Variants in FAM50A observed in about 807,000 individuals in gnomAD.
FAM50A encodes family with sequence similarity 50 member A, also known as protein FAM50A.
Under a neutral mutation model 35.5 loss-of-function variants are expected in FAM50A, and 6 were observed. The observed-to-expected ratio is 0.17, with a 90% CI of 0.09 to 0.33. The LOEUF is 0.33. Among genes scored for constraint, FAM50A ranks in the 10% least tolerant of loss-of-function variants. The probability of loss-of-function intolerance (pLI) is 1.00; values close to 1 mark genes in which losing one functional copy is unlikely to be tolerated. For synonymous variants in FAM50A, 120 were observed against 110.9 expected, an observed-to-expected ratio of 1.08 and a Z score of -0.52; for missense variants, 145 against 295.5, an observed-to-expected ratio of 0.49 and a Z score of 3.73.
Position 154,450,552 on chromosome X carries a change from C to T in FAM50A, c.*120C>T. On this transcript the variant is annotated 3_prime_UTR_variant, in exon 13 of 13. Coordinates refer to ENST00000393600, the MANE Select transcript of FAM50A (RefSeq NM_004699.4). Reference sequence around the variant, plus strand: ...GCCAGGCACGCTGGGAGGAGGACGGCAGCTGCTCGTGTCCTGCCCCTGCCA... The same window carrying T: ...GCCAGGCACGCTGGGAGGAGGACGGTAGCTGCTCGTGTCCTGCCCCTGCCA... The T allele has an allele frequency of 2.8e-6, 2 of 709,570 alleles. No homozygotes were observed. The highest frequency in any genetic ancestry group is 4.2e-6 in the Non-Finnish European group (2 of 470,964). The allele number at this position is 709,570 out of a possible 1,213,427, so 58.5% of individuals were successfully genotyped here. A position where few individuals can be genotyped will look rare whatever the true frequency, so the allele number is the denominator to read the frequency against.
intron 5 of FAM50A, 42 bp downstream of exon 5, chrX:154,448,602 C>T: frequency 8.5e-7 from 1 of 1,182,222 alleles, no homozygotes; most frequent in Non-Finnish European, 1.2e-6. Flanking sequence ...GACTCCAGCC[C>T]TGGTGGAGAC....
chrX:154,447,123 C>T (rs1235601814), intron 4 of FAM50A, among the ~76,000 whole-genome samples: 1 of 112,205 alleles, frequency 8.9e-6, no homozygotes, highest in African/African-American at 3.2e-5. Context: ...CCGGGCTAAC[C>T]CAGGGGTCAA....
intron 1 of FAM50A, chrX:154,444,870 C>G (rs1441635405): frequency 8.9e-6 from 1 of 112,589 alleles, no homozygotes; most frequent in East Asian, 2.8e-4. Flanking sequence ...GTGAGGCAGG[C>G]ACGACCCTCC....
intron 10 of FAM50A, 43 bp downstream of exon 10, chrX:154,449,974 C>T (rs782281800): frequency 3.6e-5 from 44 of 1,206,356 alleles, no homozygotes; most frequent in South Asian, 2.6e-4. Flanking sequence ...ACCTTGCCGC[C>T]GATGTTGTCA....
At chrX:154,445,761 C>T in intron 2 of FAM50A, 44 bp downstream of exon 2, 1 of 1,187,352 alleles carries the variant, frequency 8.4e-7, no homozygotes, top group South Asian at 1.8e-5. Flanking sequence ...CCGGGCCACT[C>T]TTCCGCTGGC....
At chrX:154,450,000 G>A in intron 10 of FAM50A, 29 bp from the exon 11 acceptor site, 2 of 1,207,750 alleles carry the variant, frequency 1.7e-6, no homozygotes, top group African/African-American at 1.8e-5. Flanking sequence ...GCAGCAGCGG[G>A]ACATTGGGCT....
rs782676382 is a variant in FAM50A at position 154,446,061 on chromosome X, G to A, written c.296+150G>A. 1.8e-4 allele frequency: 84 copies of A among 464,365 alleles called. 1 individual carries two copies. Among genetic ancestry groups the A allele is most frequent in the African/African-American group, 1.5e-3 (63 of 41,280 alleles). The allele number at this position is 464,365 out of a possible 1,213,427, so 38.3% of individuals were successfully genotyped here. ...CTTGCGATTTGCATTTCTCTCTCCC[G>A]CCTCCTCGGGTCCACGCTCACGTCT... On this transcript the variant is annotated intron_variant, in intron 3 of 12. Transcript: ENST00000393600.
intron 8 of FAM50A, 132 bp downstream of exon 8, chrX:154,449,429 AG>A (rs2068795691): frequency 7.1e-6 from 4 of 563,324 alleles, no homozygotes; most frequent in Middle Eastern, 7.6e-4. Context: ...CTCCCAAAAG[AG>A]GGGGTCAGGC....
chrX:154,448,986 C>T (rs1557200163), intron 7 of FAM50A, 32 bp downstream of exon 7: 1 of 1,168,105 alleles, frequency 8.6e-7, no homozygotes, highest in Non-Finnish European at 1.2e-6. Context: ...TCCTGCTCAC[C>T]ATGGGCCCAG....
At chrX:154,449,589 C>T in intron 8 of FAM50A, 92 bp from the exon 9 acceptor site, 1 of 813,774 alleles carries the variant, frequency 1.2e-6, no homozygotes, top group Non-Finnish European at 1.8e-6. Flanking sequence ...GCTTCCCAGC[C>T]CCAGCATGGG....
chrX:154,444,735 G>T (rs2068775234), intron 1 of FAM50A: 1 of 117,304 alleles, frequency 8.5e-6, no homozygotes, highest in Non-Finnish European at 1.8e-5. Flanking sequence ...TCAGAGCCAG[G>T]CCTCTGCCCT....
Position 154,444,182 on chromosome X carries a change from T to TCGC in FAM50A, c.-53_-51dup. 1 of 444,430 alleles carries TCGC rather than the reference T, an allele frequency of 2.3e-6. No homozygotes were observed. Among genetic ancestry groups the TCGC allele is most frequent in the Non-Finnish European group, 2.8e-6 (1 of 357,520 alleles). 36.6% of individuals were successfully genotyped at this position (444,430 alleles called of 1,213,427 possible). A position where few individuals can be genotyped will look rare whatever the true frequency, so the allele number is the denominator to read the frequency against. ...GCCACCGCCGCTGCCGCTGCCGCTG[T>TCGC]CGCTGTCGCCGCCGCCGCCGCCCGC... On this transcript the variant is annotated 5_prime_UTR_variant, in exon 1 of 13. Transcript: ENST00000393600.
intron 7 of FAM50A, 69 bp downstream of exon 7, chrX:154,449,023 C>T: frequency 9.7e-7 from 1 of 1,031,498 alleles, no homozygotes; most frequent in Non-Finnish European, 1.3e-6. Context: ...TGGGAAGGAA[C>T]TGACCTTCCT....
intron 6 of FAM50A, 50 bp downstream of exon 6, chrX:154,448,806 C>G (rs370396003): frequency 1.5e-5 from 18 of 1,193,395 alleles, no homozygotes; most frequent in Non-Finnish European, 2.0e-5. Context: ...AAGCCAGCTT[C>G]CCTGTCCACA....
At position 154,450,211 on chromosome X, in the gene FAM50A, C is replaced by T. The variant is rs1403392929; in HGVS notation, c.903C>T (p.Ser301=). 1 of 1,208,176 alleles carries T rather than the reference C, an allele frequency of 8.3e-7. No individual in the cohort carries two copies. The highest frequency in any genetic ancestry group is 1.1e-6 in the Non-Finnish European group (1 of 893,678). Residue 301 remains serine (S), a splice_region_variant and synonymous_variant, in exon 12 of 13, where the codon TCC becomes TCT. Transcript: ENST00000393600. Reference sequence around the variant, plus strand: ...CCTGTGCCCTCTTCCTCCCTTAGTCCCATGCAGGCAAGGTGGTGCTGAGGA... The same window carrying T: ...CCTGTGCCCTCTTCCTCCCTTAGTCTCATGCAGGCAAGGTGGTGCTGAGGA... ...LSDATVEKDE[S]HAGKVVLRSW...
At chrX:154,447,241 A>C (rs1254180938) in intron 4 of FAM50A, among the ~76,000 whole-genome samples, 1 of 112,297 alleles carries the variant, frequency 8.9e-6, no homozygotes, top group African/African-American at 3.2e-5. Context: ...AGCAGGAAAG[A>C]GCTTTTCAAA....
intron 4 of FAM50A, among the ~76,000 whole-genome samples, chrX:154,448,184 T>G (rs1557200038): frequency 9.5e-6 from 1 of 105,816 alleles, no homozygotes; most frequent in African/African-American, 3.5e-5. Flanking sequence ...TCCTCCCACC[T>G]CAGCCTTCTG....
chrX:154,449,470 T>G (rs999408195), intron 8 of FAM50A, among the ~76,000 whole-genome samples, 173 bp downstream of exon 8: 14 of 112,374 alleles, frequency 1.2e-4, no homozygotes, highest in Admixed American at 2.8e-4. Context: ...ACCAGAGAGC[T>G]TTGCTGAGAG....
rs782277066 is a variant in FAM50A, at chrX:154,446,060, C to T, written c.296+149C>T. ...GCTTGCGATTTGCATTTCTCTCTCC[C>T]GCCTCCTCGGGTCCACGCTCACGTC... On this transcript the variant is annotated intron_variant, in intron 3 of 12. Transcript: ENST00000393600. 27 of 467,179 alleles carry T rather than the reference C, an allele frequency of 5.8e-5. No individual in the cohort carries two copies. In the East Asian group the frequency reaches 5.9e-4, roughly 10 times the overall value. The allele number at this position is 467,179 out of a possible 1,213,427, so 38.5% of individuals were successfully genotyped here.
Sources: allele counts gnomAD v4.1 joint callset (sites outside exome capture counted in the v4.1 genomes callset), GRCh38; gene constraint gnomAD v4.1.1; transcripts MANE v1.5; gene names NCBI Gene and HGNC (gene_info 2026-07-23, HGNC 2026-07-21).